The following FGF12 variants were observed in gnomAD, a reference collection of about 807,000 sequenced individuals.
FGF12 encodes the protein fibroblast growth factor 12B.
In FGF12, 14 loss-of-function variants were observed where a neutral mutation model predicts 23.6. The observed-to-expected ratio is 0.59, with a 90% CI of 0.39 to 0.93. FGF12 has a LOEUF of 0.93. Ranked by LOEUF, FGF12 falls within the 40% of genes least tolerant of loss-of-function variation. The pLI, the probability that FGF12 is intolerant of heterozygous loss-of-function variation, is 0.00. For synonymous variants in FGF12, 62 were observed against 77.3 expected (o/e 0.80, Z 1.04); for missense variants, 175 against 217.8 (o/e 0.80, Z 1.24).
intron 4 of FGF12, among the ~76,000 whole-genome samples, chr3:192,231,163 G>A (rs1321406658): frequency 1.3e-5 from 2 of 152,022 alleles, no homozygotes; most frequent in Non-Finnish European, 1.5e-5. Context: ...ACAGAGTTCC[G>A]AATTCTTCTC....
At chr3:192,214,507 A>T (rs1268147632) in intron 4 of FGF12, among the ~76,000 whole-genome samples, 1 of 152,236 alleles carries the variant, frequency 6.6e-6, no homozygotes, top group African/African-American at 2.4e-5. Flanking sequence ...CCATCATCAG[A>T]TGCTCCAAAT....
intron 4 of FGF12, among the ~76,000 whole-genome samples, chr3:192,190,483 T>C (rs1716722129): frequency 7.4e-6 from 1 of 135,970 alleles, no homozygotes; most frequent in Non-Finnish European, 1.5e-5. Flanking sequence ...TTTTTTTTTT[T>C]TTTTTTTTTT....
chr3:192,377,307 T>C (rs918166461), intron 2 of FGF12, among the ~76,000 whole-genome samples: 7 of 152,224 alleles, frequency 4.6e-5, no homozygotes, highest in Non-Finnish European at 8.8e-5. Context: ...TTGATGCCTA[T>C]GCCATTCTAG....
At chr3:192,230,821 A>G (rs1485826478) in intron 4 of FGF12, among the ~76,000 whole-genome samples, 1 of 152,148 alleles carries the variant, frequency 6.6e-6, no homozygotes, top group African/African-American at 2.4e-5. Flanking sequence ...TGATCAATCA[A>G]ATTCATATAG....
intron 2 of FGF12, among the ~76,000 whole-genome samples, chr3:192,691,118 G>T (rs933442867): frequency 6.6e-6 from 1 of 151,988 alleles, no homozygotes; most frequent in African/African-American, 2.4e-5. Context: ...TTCAACAATG[G>T]ATAGATTATC....
intron 4 of FGF12, among the ~76,000 whole-genome samples, chr3:192,219,169 C>T (rs1276090881): frequency 6.6e-6 from 1 of 152,110 alleles, no homozygotes; most frequent in African/African-American, 2.4e-5. Flanking sequence ...ACTGCAACCT[C>T]CAACTCCTAG....
chr3:192,396,795 TC>T (rs1720541238), intron 2 of FGF12, among the ~76,000 whole-genome samples: 1 of 152,196 alleles, frequency 6.6e-6, no homozygotes, highest in Non-Finnish European at 1.5e-5. Flanking sequence ...AGCTTGCTGC[TC>T]TTCAGCCCTA....
chr3:192,291,382 A>T (rs754857394), intron 4 of FGF12, among the ~76,000 whole-genome samples: 6 of 152,088 alleles, frequency 3.9e-5, no homozygotes, highest in Non-Finnish European at 5.9e-5. Context: ...GGAGTTTAAG[A>T]CCAACCTGGG....
intron 2 of FGF12, among the ~76,000 whole-genome samples, chr3:192,509,134 CAGAT>C (rs1295968744): frequency 1.3e-5 from 2 of 151,918 alleles, no homozygotes; most frequent in Non-Finnish European, 2.9e-5. Flanking sequence ...TTTCTAATCT[CAGAT>C]GGAGAGGGAA....
chr3:192,330,783 A>T (rs180706695), intron 4 of FGF12, among the ~76,000 whole-genome samples: 162 of 152,254 alleles, frequency 1.1e-3, no homozygotes, highest in African/African-American at 3.8e-3. Flanking sequence ...AACCTTCATG[A>T]CACTGGATTT....
intron 5 of FGF12, among the ~76,000 whole-genome samples, chr3:192,145,586 C>T (rs1054005699): frequency 2.0e-5 from 3 of 152,210 alleles, no homozygotes; most frequent in African/African-American, 7.2e-5. Context: ...CCAGACTACA[C>T]TCTGAGTAGC....
At chr3:192,316,908 A>G (rs1022619254) in intron 4 of FGF12, among the ~76,000 whole-genome samples, 2 of 152,090 alleles carry the variant, frequency 1.3e-5, no homozygotes, top group Non-Finnish European at 2.9e-5. Context: ...TACCAGCTCA[A>G]CCACTATAGA....
At position 192,141,710 on chromosome 3, in the gene FGF12, TTAAA is replaced by T. The variant is rs377423978; in HGVS notation, c.*2295_*2298del. The stretch of plus-strand genomic sequence containing the variant: ...TCTATTTTTTTCATAACAAACTTAA[TTAAA>T]TATATTTTGTCATGAAATCATAATT... On this transcript the variant is annotated 3_prime_UTR_variant, in exon 6 of 6. Coordinates refer to ENST00000445105, the MANE Select transcript of FGF12 (RefSeq NM_004113.6). 1.5e-4 allele frequency: 23 copies of T among 152,136 alleles called. No homozygotes were observed. Among genetic ancestry groups the T allele is most frequent in the African/African-American group, 4.6e-4 (19 of 41,548 alleles). The allele number at this position is 152,136 out of a possible 1,614,324, so 9.4% of individuals were successfully genotyped here. A position where few individuals can be genotyped will look rare whatever the true frequency, so the allele number is the denominator to read the frequency against.
At chr3:192,318,058 G>C (rs1716323900) in intron 4 of FGF12, among the ~76,000 whole-genome samples, 1 of 152,114 alleles carries the variant, frequency 6.6e-6, no homozygotes, top group African/African-American at 2.4e-5. Context: ...TGCAGGTATG[G>C]CTGCAATAGC....
At chr3:192,683,018 C>A (rs1277785862) in intron 2 of FGF12, among the ~76,000 whole-genome samples, 1 of 152,202 alleles carries the variant, frequency 6.6e-6, no homozygotes, top group Non-Finnish European at 1.5e-5. Flanking sequence ...AGAAACCTCA[C>A]TCTATGTGTC....
At position 192,697,174 on chromosome 3, in the gene FGF12, T is replaced by C. The variant is rs559565139; in HGVS notation, c.13+30007A>G. Among the ~76,000 whole-genome samples, 3 of 152,154 alleles carry C rather than the reference T, an allele frequency of 2.0e-5. No individual in the cohort carries two copies. The East Asian group carries it at 5.8e-4, about 30-fold the overall frequency. On this transcript the variant is annotated intron_variant, in intron 2 of 5. Transcript: ENST00000445105. ...GCAGGCTAATGTGGTGATTTAGCAA[T>C]GCAATGATTCCCCAAAGGTTACTAG... is the stretch of plus-strand genomic sequence containing the variant.
At chr3:192,473,936 T>A (rs140186765) in intron 2 of FGF12, among the ~76,000 whole-genome samples, 2 of 152,190 alleles carry the variant, frequency 1.3e-5, no homozygotes, top group African/African-American at 4.8e-5. Flanking sequence ...CAAAGAAACA[T>A]AGAGCAGAAC....
At chr3:192,583,177 A>G (rs759273525) in intron 2 of FGF12, among the ~76,000 whole-genome samples, 1 of 152,184 alleles carries the variant, frequency 6.6e-6, no homozygotes, top group Non-Finnish European at 1.5e-5. Context: ...ACTGCCTCAA[A>G]TAACACACAC....
intron 2 of FGF12, among the ~76,000 whole-genome samples, chr3:192,534,330 G>T (rs1725175567): frequency 6.6e-6 from 1 of 152,096 alleles, no homozygotes; most frequent in African/African-American, 2.4e-5. Flanking sequence ...TTAAACTTCT[G>T]ATTTTTTCTA....
Sources: gnomAD v4.1 joint callset for allele counts (sites outside exome capture counted in the v4.1 genomes callset) on GRCh38, gnomAD v4.1.1 for gene constraint, MANE v1.5 for transcripts, NCBI Gene and HGNC (gene_info 2026-07-23, HGNC 2026-07-21) for gene names.